BTBD9: variants seen among roughly 807,000 people sequenced by gnomAD.
The protein encoded by BTBD9 is BTB/POZ domain-containing protein 9.
A neutral mutation model predicts 64.3 loss-of-function variants in BTBD9; 49 were observed. The ratio of observed to expected loss-of-function variants is 0.76; its 90% CI spans 0.61 to 0.97. The LOEUF (loss-of-function observed/expected upper bound fraction) is 0.97, where lower values mean the gene tolerates loss of function less well. Among genes scored for constraint, BTBD9 ranks in the 50% least tolerant of loss-of-function variants. The pLI, the probability that BTBD9 is intolerant of heterozygous loss-of-function variation, is 0.00. For missense variants in BTBD9, 598 were observed against 762.1 expected (o/e 0.78, Z 2.53); for synonymous variants, 260 against 274.7 (o/e 0.95, Z 0.53).
rs34641170 is a variant in BTBD9, at chr6:38,238,470, G to GTTTTTTTTTTTTTTTTTTTTTTTT, written c.1562+17938_1562+17939insAAAAAAAAAAAAAAAAAAAAAAAA. 1.6e-5 allele frequency among the ~76,000 whole-genome samples: 2 copies of GTTTTTTTTTTTTTTTTTTTTTTTT among 127,990 alleles called. 1 individual carries two copies. The highest frequency in any genetic ancestry group is 3.2e-5 in the Non-Finnish European group (2 of 62,870). The allele number at this position is 127,990 out of a possible 152,430, so 84.0% of individuals were successfully genotyped here. ...ACAGTAAGCTGTTGCGGAGACCAAG[G>GTTTTTTTTTTTTTTTTTTTTTTTT]TTTTTTGTTTTTTTTTTTTTGAGAC... On this transcript the variant is annotated intron_variant, in intron 9 of 10. Transcript: ENST00000481247.
chr6:38,261,570 T>G (rs1295422099), intron 8 of BTBD9, among the ~76,000 whole-genome samples: 1 of 152,250 alleles, frequency 6.6e-6, no homozygotes, highest in African/African-American at 2.4e-5. Context: ...TCTACTTATA[T>G]GTATCTTTTT....
intron 6 of BTBD9, among the ~76,000 whole-genome samples, chr6:38,461,790 CAGAGTGTT>C (rs1770098387): frequency 6.6e-6 from 1 of 152,190 alleles, no homozygotes; most frequent in African/African-American, 2.4e-5. Context: ...AACAGAGCAG[CAGAGTGTT>C]AGAGTTACAG....
At chr6:38,597,341 C>A (rs77722911) in intron 2 of BTBD9, among the ~76,000 whole-genome samples, 17,047 of 152,168 alleles carry the variant, frequency 0.11, 1,171 homozygotes, top group Non-Finnish European at 0.15. Context: ...AATTATAACT[C>A]ACTCAGTAAT....
intron 1 of BTBD9, among the ~76,000 whole-genome samples, chr6:38,604,603 A>G (rs1777363858): frequency 6.6e-6 from 1 of 152,202 alleles, no homozygotes. Context: ...TAAATTCTAA[A>G]ACTCATAGGG....
chr6:38,523,967 A>C (rs1773378405), intron 6 of BTBD9, among the ~76,000 whole-genome samples: 1 of 152,156 alleles, frequency 6.6e-6, no homozygotes, highest in Non-Finnish European at 1.5e-5. Flanking sequence ...GGTATTTCTG[A>C]CTACACTATT....
At chr6:38,441,005 C>T (rs1020519934) in intron 6 of BTBD9, among the ~76,000 whole-genome samples, 1 of 152,002 alleles carries the variant, frequency 6.6e-6, no homozygotes, top group Non-Finnish European at 1.5e-5. Flanking sequence ...CCAGAAACAC[C>T]CTGTGGAGAA....
At chr6:38,504,652 C>A in intron 6 of BTBD9, 1 of 452,390 alleles carries the variant, frequency 2.2e-6, no homozygotes, top group East Asian at 6.9e-5. Context: ...ATCTTTCAAC[C>A]CAGGAAGCCC....
At chr6:38,300,133 G>T (rs1301910617) in intron 7 of BTBD9, among the ~76,000 whole-genome samples, 1 of 152,136 alleles carries the variant, frequency 6.6e-6, no homozygotes, top group Non-Finnish European at 1.5e-5. Flanking sequence ...CCCATTGCTT[G>T]TCTTTGTCAG....
chr6:38,372,646 C>A (rs113213392), intron 6 of BTBD9, among the ~76,000 whole-genome samples: 155 of 152,314 alleles, frequency 1.0e-3, no homozygotes, highest in African/African-American at 2.7e-3. Flanking sequence ...AGCACTGAGA[C>A]CGTGGCCTAC....
At chr6:38,593,419 C>G (rs534899214) in intron 3 of BTBD9, among the ~76,000 whole-genome samples, 1 of 152,272 alleles carries the variant, frequency 6.6e-6, no homozygotes, top group African/African-American at 2.4e-5. Flanking sequence ...TTAGAAATAT[C>G]CAGGTTCTAG....
At chr6:38,223,360 G>A (rs1763281843) in intron 9 of BTBD9, among the ~76,000 whole-genome samples, 1 of 152,060 alleles carries the variant, frequency 6.6e-6, no homozygotes. Flanking sequence ...TTAGAGACAG[G>A]ATCTCACTCT....
intron 6 of BTBD9, among the ~76,000 whole-genome samples, chr6:38,396,887 TTTTC>T (rs1357359047): frequency 7.5e-5 from 11 of 146,366 alleles, no homozygotes; most frequent in African/African-American, 1.8e-4. Context: ...TTGATTCTTT[TTTTC>T]TTTTTCTTTT....
intron 6 of BTBD9, among the ~76,000 whole-genome samples, chr6:38,401,559 T>C (rs763430451): frequency 6.6e-6 from 1 of 152,220 alleles, no homozygotes; most frequent in Non-Finnish European, 1.5e-5. Flanking sequence ...AGAATCATTG[T>C]TGTATAAAAG....
At chr6:38,274,720 G>C (rs1276709576) in intron 8 of BTBD9, among the ~76,000 whole-genome samples, 3 of 152,194 alleles carry the variant, frequency 2.0e-5, no homozygotes, top group African/African-American at 7.2e-5. Flanking sequence ...TGCATCCCAG[G>C]GATGAAGCCC....
At chr6:38,370,162 A>G (rs1765358649) in intron 6 of BTBD9, among the ~76,000 whole-genome samples, 1 of 152,228 alleles carries the variant, frequency 6.6e-6, no homozygotes, top group Admixed American at 6.5e-5. Flanking sequence ...TCATTATGTC[A>G]GCATTAGTAA....
chr6:38,326,831 C>T (rs1340976318), intron 7 of BTBD9, among the ~76,000 whole-genome samples: 1 of 151,770 alleles, frequency 6.6e-6, no homozygotes, highest in African/African-American at 2.4e-5. Flanking sequence ...GCCGTGGGGC[C>T]TGTCTGTACT....
chr6:38,571,510 AGAATGTATAGTAGCAATAAAT>A (rs1374321925), intron 6 of BTBD9, among the ~76,000 whole-genome samples: 1 of 152,246 alleles, frequency 6.6e-6, no homozygotes, highest in Non-Finnish European at 1.5e-5. Context: ...AGGGGGGCCT[AGAATGTATAGTAGCAATAAAT>A]GAGATTAAAA....
chr6:38,508,774 T>C (rs1177183478), intron 6 of BTBD9, among the ~76,000 whole-genome samples: 1 of 152,184 alleles, frequency 6.6e-6, no homozygotes, highest in African/African-American at 2.4e-5. Flanking sequence ...CAACTTCCCA[T>C]GCTCTTTCTT....
At chr6:38,304,105 G>A (rs1480785340) in intron 7 of BTBD9, among the ~76,000 whole-genome samples, 2 of 151,432 alleles carry the variant, frequency 1.3e-5, no homozygotes, top group South Asian at 2.1e-4. Flanking sequence ...TCACATGTAT[G>A]TATATATATC....
Sources: gnomAD v4.1 joint callset for allele counts (sites outside exome capture counted in the v4.1 genomes callset) on GRCh38, gnomAD v4.1.1 for gene constraint, MANE v1.5 for transcripts, NCBI Gene and HGNC (gene_info 2026-07-23, HGNC 2026-07-21) for gene names.